ANKRD30B: variants seen among roughly 807,000 people sequenced by gnomAD.
The protein encoded by ANKRD30B is ankyrin repeat domain-containing protein 30B.
ANKRD30B carries 144 observed loss-of-function variants against 202.2 expected under a neutral mutation model. That is an observed-to-expected ratio of 0.71 (90% CI 0.62 to 0.82). The LOEUF (loss-of-function observed/expected upper bound fraction) is 0.82. Ranked by LOEUF, ANKRD30B falls within the 40% of genes least tolerant of loss-of-function variation. The pLI is 0.00. For missense variants in ANKRD30B, 1,487 were observed against 1,669.1 expected, an observed-to-expected ratio of 0.89 and a Z score of 1.90; for synonymous variants, 508 against 561.3, an observed-to-expected ratio of 0.91 and a Z score of 1.34.
At chr18:14,917,936 GTTC>G in the ANKRD30B span, among the ~76,000 whole-genome samples, 1 of 152,202 alleles carries the variant, frequency 6.6e-6, no homozygotes, top group African/African-American at 2.4e-5. Flanking sequence ...AAAGCCAGAT[GTTC>G]TTCTTTGGCT....
chr18:14,830,519 C>A (rs911814814), intron 33 of ANKRD30B, among the ~76,000 whole-genome samples: 1 of 152,082 alleles, frequency 6.6e-6, no homozygotes, highest in South Asian at 2.1e-4. Context: ...TCTCTTGTAG[C>A]GTTTTAGGGT....
chr18:14,831,242 A>T, intron 33 of ANKRD30B, 141 bp from the exon 34 acceptor site: 1 of 471,536 alleles, frequency 2.1e-6, no homozygotes. Context: ...AAGAAACATG[A>T]TTTAATATAT....
At chr18:14,825,152 C>G (rs541561556) in intron 32 of ANKRD30B, 1 of 152,208 alleles carries the variant, frequency 6.6e-6, no homozygotes, top group Admixed American at 6.5e-5. Context: ...ATGACTTACT[C>G]GCTGCCTGTG....
the ANKRD30B span, among the ~76,000 whole-genome samples, chr18:14,925,692 ATGG>A: frequency 6.6e-6 from 1 of 152,174 alleles, no homozygotes; most frequent in Non-Finnish European, 1.5e-5. Flanking sequence ...CACAGCCCAG[ATGG>A]TGGGCTGTGC....
chr18:14,776,800 T>G (rs946149712), intron 9 of ANKRD30B, among the ~76,000 whole-genome samples: 11 of 152,358 alleles, frequency 7.2e-5, no homozygotes, highest in African/African-American at 2.6e-4. Context: ...AACATAAATA[T>G]AAGTTTTCCT....
chr18:14,900,204 AT>A, the ANKRD30B span, among the ~76,000 whole-genome samples: 13 of 152,318 alleles, frequency 8.5e-5, no homozygotes, highest in South Asian at 2.7e-3. Flanking sequence ...AATTCTGTTT[AT>A]AATTTGGCAT....
the ANKRD30B span, among the ~76,000 whole-genome samples, chr18:14,933,398 G>A: frequency 5.3e-4 from 80 of 152,344 alleles, no homozygotes; most frequent in South Asian, 1.0e-3. Context: ...CAGCAGGCCC[G>A]GGGGTGGGTG....
At position 14,852,102 on chromosome 18, in the gene ANKRD30B, C is replaced by T. The variant is rs1286881986; in HGVS notation, c.4158C>T (p.Asp1386=). The change falls in exon 42 of 44, where the codon GAC becomes GAT. Residue 1386 remains aspartate (D), a synonymous_variant. Transcript: ENST00000690538. ...TGGTTTCAGAACATGCACAAAGAGACCGATGTGAAACACAGTGTCAAATGA... is the reference window on the plus strand; with the variant it reads ...TGGTTTCAGAACATGCACAAAGAGATCGATGTGAAACACAGTGTCAAATGA... The part of the protein sequence containing the change: ...NALVSEHAQR[D]RCETQCQMKK... The T allele has an allele frequency of 6.2e-7, 1 of 1,607,974 alleles. No individual in the cohort carries two copies. The highest frequency in any genetic ancestry group is 8.5e-7 in the Non-Finnish European group (1 of 1,176,578).
At chr18:14,786,095 G>C (rs1288270114) in intron 14 of ANKRD30B, among the ~76,000 whole-genome samples, 1 of 144,238 alleles carries the variant, frequency 6.9e-6, no homozygotes, top group Non-Finnish European at 1.5e-5. Context: ...GATAGATGTC[G>C]AATGATAAAT....
the ANKRD30B span, among the ~76,000 whole-genome samples, chr18:14,864,152 T>C: frequency 2.0e-5 from 3 of 152,124 alleles, no homozygotes. Flanking sequence ...CTGACCAACA[T>C]GGAGAAACCC....
the ANKRD30B span, among the ~76,000 whole-genome samples, chr18:14,896,027 A>C: frequency 6.6e-6 from 1 of 152,232 alleles, no homozygotes; most frequent in Non-Finnish European, 1.5e-5. Context: ...GGTATAAATA[A>C]ATATTGGCTC....
At chr18:14,899,841 A>G in the ANKRD30B span, among the ~76,000 whole-genome samples, 1 of 152,154 alleles carries the variant, frequency 6.6e-6, no homozygotes, top group Non-Finnish European at 1.5e-5. Flanking sequence ...TTTCTCGTTA[A>G]CCAATGGTTT....
the ANKRD30B span, among the ~76,000 whole-genome samples, chr18:14,883,092 G>T: frequency 2.6e-5 from 4 of 152,086 alleles, no homozygotes; most frequent in Non-Finnish European, 5.9e-5. Flanking sequence ...GGGGCAGGAA[G>T]GGCTGGGAGG....
the ANKRD30B span, among the ~76,000 whole-genome samples, chr18:14,897,141 T>C: frequency 6.6e-6 from 1 of 152,058 alleles, no homozygotes; most frequent in Admixed American, 6.5e-5. Flanking sequence ...TGCAAGGCCA[T>C]GGAAGCAAAG....
chr18:14,869,078 G>T, the ANKRD30B span, among the ~76,000 whole-genome samples: 1 of 152,222 alleles, frequency 6.6e-6, no homozygotes, highest in Non-Finnish European at 1.5e-5. Flanking sequence ...GCTGCTTATT[G>T]TTAGCAAATT....
intron 1 of ANKRD30B, among the ~76,000 whole-genome samples, chr18:14,751,599 C>T (rs186707218): frequency 6.6e-6 from 1 of 152,214 alleles, no homozygotes; most frequent in East Asian, 1.9e-4. Flanking sequence ...TCAAAAATAC[C>T]TAATTTACAT....
chr18:14,778,014 T>C lies in ANKRD30B; in HGVS notation c.1359T>C (p.Tyr453=). 1 of 1,548,726 alleles carries C rather than the reference T, an allele frequency of 6.5e-7. No individual in the cohort carries two copies. The highest frequency in any genetic ancestry group is 8.7e-7 in the Non-Finnish European group (1 of 1,144,618). The change falls in exon 10 of 44, where the codon TAT becomes TAC. Residue 453 remains tyrosine, a synonymous_variant. Coordinates refer to ENST00000690538, the MANE Select transcript of ANKRD30B (RefSeq NM_001367607.2). ...TCTCTAAGAGTGCTGCACAGAATTA[T>C]ACGTGTTTACCTGATGCTACATATC... ...KIISKSAAQN[Y]TCLPDATYQK... is the part of the protein sequence containing the mutation.
At position 14,748,557 on chromosome 18, in the gene ANKRD30B, C is replaced by T. The variant is rs750648588; in HGVS notation, c.138C>T (p.Ala46=). 2.6e-6 allele frequency: 4 copies of T among 1,558,830 alleles called. No homozygotes were observed. Among genetic ancestry groups the T allele is most frequent in the Admixed American group, 1.9e-5 (1 of 51,510 alleles). The part of the protein sequence containing the change: ...FGDLGKIHTA[A]SRGQVQKLEK... ...ATCTAGGGAAGATCCATACAGCTGC[C>T]TCCCGGGGCCAAGTCCAGAAGCTGG... The change falls in exon 1 of 44, where the codon GCC becomes GCT. Residue 46 remains alanine, a synonymous_variant. Transcript: ENST00000690538.
chr18:14,901,413 A>G, the ANKRD30B span, among the ~76,000 whole-genome samples: 1 of 152,244 alleles, frequency 6.6e-6, no homozygotes, highest in Non-Finnish European at 1.5e-5. Context: ...GAGTTCATGA[A>G]GATTACTAAC....
Sources: gnomAD v4.1 joint callset for allele counts (sites outside exome capture counted in the v4.1 genomes callset) on GRCh38, gnomAD v4.1.1 for gene constraint, MANE v1.5 for transcripts, NCBI Gene and HGNC (gene_info 2026-07-23, HGNC 2026-07-21) for gene names.